Variants in EPHA6 observed in about 807,000 individuals in gnomAD.
EPHA6 encodes ephrin type-A receptor 6.
Under a neutral mutation model 112.0 loss-of-function variants are expected in EPHA6, and 50 were observed. The observed-to-expected ratio is 0.45, with a 90% CI of 0.36 to 0.56. The LOEUF (loss-of-function observed/expected upper bound fraction) is 0.56. Ranked by LOEUF, EPHA6 falls within the 20% of genes least tolerant of loss-of-function variation. The pLI, the probability that EPHA6 is intolerant of heterozygous loss-of-function variation, is 0.00. For missense variants in EPHA6, 1,280 were observed against 1,417.4 expected (o/e 0.90, Z 1.56); for synonymous variants, 529 against 490.7 (o/e 1.08, Z -1.03).
At position 97,416,290 on chromosome 3, in the gene EPHA6, T is replaced by G. The variant is rs1198334695; in HGVS notation, c.1731+11016T>G. On this transcript the variant is annotated intron_variant, in intron 6 of 17. Coordinates refer to ENST00000389672, the MANE Select transcript of EPHA6 (RefSeq NM_001080448.3). ...TTCACACCATGCTGTTTCCTAAAAA[T>G]TAAATCCAAGACTTTTTGGCAATCT... Among the ~76,000 whole-genome samples, 13 of 152,124 alleles carry G rather than the reference T, an allele frequency of 8.5e-5. No homozygotes were observed. The East Asian group carries it at 2.3e-3, about 27-fold the overall frequency.
chr3:97,212,262 A>T (rs1313280712), intron 3 of EPHA6, among the ~76,000 whole-genome samples: 2 of 152,170 alleles, frequency 1.3e-5, no homozygotes, highest in Admixed American at 1.3e-4. Flanking sequence ...AAAACCAAAT[A>T]TGAAGAAAGT....
intron 2 of EPHA6, among the ~76,000 whole-genome samples, chr3:96,967,427 T>C (rs1274259015): frequency 6.6e-6 from 1 of 151,824 alleles, no homozygotes; most frequent in East Asian, 1.9e-4. Context: ...CGCTGAATTT[T>C]ACTGACTGTA....
chr3:97,295,554 A>AT (rs201395783), intron 5 of EPHA6, among the ~76,000 whole-genome samples: 277 of 137,078 alleles, frequency 2.0e-3, no homozygotes, highest in Middle Eastern at 8.1e-3. Context: ...AATATTTTGA[A>AT]TTTTTTTTTT....
chr3:97,287,815 A>G (rs1462700888), intron 5 of EPHA6, among the ~76,000 whole-genome samples: 1 of 151,988 alleles, frequency 6.6e-6, no homozygotes, highest in African/African-American at 2.4e-5. Context: ...GTTTGTTAGT[A>G]TTTTGTTGAG....
At chr3:96,999,951 T>A (rs1001860717) in intron 3 of EPHA6, among the ~76,000 whole-genome samples, 2 of 151,806 alleles carry the variant, frequency 1.3e-5, no homozygotes, top group Non-Finnish European at 1.5e-5. Flanking sequence ...CCAAAAAGAT[T>A]TTCCTATTTC....
intron 3 of EPHA6, among the ~76,000 whole-genome samples, chr3:97,144,742 T>C (rs1267308543): frequency 1.3e-5 from 2 of 151,544 alleles, no homozygotes; most frequent in Non-Finnish European, 3.0e-5. Flanking sequence ...GTAACTTTTC[T>C]AATATATCTT....
intron 14 of EPHA6, among the ~76,000 whole-genome samples, chr3:97,719,920 C>T (rs542572879): frequency 2.0e-5 from 3 of 152,012 alleles, no homozygotes; most frequent in Admixed American, 6.5e-5. Context: ...GAGTGTTGAA[C>T]GATATTTAGT....
At chr3:97,018,739 A>G (rs2044350340) in intron 3 of EPHA6, among the ~76,000 whole-genome samples, 1 of 152,222 alleles carries the variant, frequency 6.6e-6, no homozygotes, top group Non-Finnish European at 1.5e-5. Flanking sequence ...GATAACCGCA[A>G]GCGAGCTTGA....
intron 5 of EPHA6, among the ~76,000 whole-genome samples, chr3:97,251,240 A>AAAAC (rs2079129083): frequency 6.6e-6 from 1 of 152,120 alleles, no homozygotes; most frequent in East Asian, 1.9e-4. Context: ...GTGTAAGAAT[A>AAAAC]AAACAAAAGG....
intron 6 of EPHA6, among the ~76,000 whole-genome samples, chr3:97,407,895 C>CT (rs2087462541): frequency 6.6e-6 from 1 of 151,912 alleles, no homozygotes; most frequent in African/African-American, 2.4e-5. Context: ...CAAGTATACC[C>CT]TTTGTCTTTG....
intron 1 of EPHA6, among the ~76,000 whole-genome samples, chr3:96,862,913 A>G (rs972408897): frequency 3.3e-5 from 5 of 151,974 alleles, no homozygotes; most frequent in Non-Finnish European, 5.9e-5. Context: ...AATAAAGGCA[A>G]CTCTAATACA....
chr3:97,229,911 T>G (rs1268183455), intron 4 of EPHA6, among the ~76,000 whole-genome samples: 2 of 152,136 alleles, frequency 1.3e-5, no homozygotes, highest in Non-Finnish European at 2.9e-5. Context: ...TATTTTAAAT[T>G]TATAAATAGC....
chr3:97,530,818 C>A (rs908651867), intron 10 of EPHA6, among the ~76,000 whole-genome samples: 1 of 151,858 alleles, frequency 6.6e-6, no homozygotes, highest in Admixed American at 6.6e-5. Flanking sequence ...GCCTTGTTTC[C>A]TTCCTGGTTA....
intron 1 of EPHA6, among the ~76,000 whole-genome samples, chr3:96,856,790 T>C (rs1345741957): frequency 6.6e-6 from 1 of 152,148 alleles, no homozygotes. Flanking sequence ...AAGAAATCTT[T>C]ATCTGTAATT....
chr3:97,181,395 G>A (rs572041005), intron 3 of EPHA6, among the ~76,000 whole-genome samples: 6 of 152,086 alleles, frequency 3.9e-5, no homozygotes, highest in Admixed American at 1.3e-4. Flanking sequence ...TGTTATCTTG[G>A]TGTTCTCATT....
At chr3:97,637,816 C>T (rs2093961534) in intron 13 of EPHA6, 57 bp from the exon 14 acceptor site, 1 of 1,265,630 alleles carries the variant, frequency 7.9e-7, no homozygotes, top group South Asian at 1.2e-5. Context: ...ATTTAATACA[C>T]ACACGCACAC....
At chr3:97,699,145 G>T (rs142558320) in intron 14 of EPHA6, among the ~76,000 whole-genome samples, 173 of 152,224 alleles carry the variant, frequency 1.1e-3, no homozygotes, top group Non-Finnish European at 2.0e-3. Context: ...CATACTTCTG[G>T]TTGTTCCATT....
intron 3 of EPHA6, among the ~76,000 whole-genome samples, chr3:97,205,664 C>T (rs1407890762): frequency 6.6e-6 from 1 of 151,928 alleles, no homozygotes; most frequent in Non-Finnish European, 1.5e-5. Context: ...GAATCAATAC[C>T]CCACTTATAC....
At chr3:97,124,195 A>G (rs1025961315) in intron 3 of EPHA6, among the ~76,000 whole-genome samples, 6 of 151,926 alleles carry the variant, frequency 3.9e-5, no homozygotes, top group South Asian at 2.1e-4. Flanking sequence ...TTTTGACCCC[A>G]TATAGTTTAG....
Sources: allele counts gnomAD v4.1 joint callset (sites outside exome capture counted in the v4.1 genomes callset), GRCh38; gene constraint gnomAD v4.1.1; transcripts MANE v1.5; gene names NCBI Gene and HGNC (gene_info 2026-07-23, HGNC 2026-07-21).